KCNIP4: variants seen among roughly 807,000 people sequenced by gnomAD.
The protein encoded by KCNIP4 is potassium voltage-gated channel interacting protein 4.
KCNIP4 carries 12 observed loss-of-function variants against 34.0 expected under a neutral mutation model. The observed-to-expected ratio is 0.35, with a 90% CI of 0.23 to 0.57. The LOEUF is 0.57. Ranked by LOEUF, KCNIP4 falls within the 20% of genes least tolerant of loss-of-function variation. The probability of loss-of-function intolerance (pLI) is 0.83; values close to 1 mark genes in which losing one functional copy is unlikely to be tolerated. For synonymous variants in KCNIP4, 124 were observed against 102.2 expected, an observed-to-expected ratio of 1.21 and a Z score of -1.29; for missense variants, 238 against 311.7, an observed-to-expected ratio of 0.76 and a Z score of 1.78.
chr4:21,413,388 A>G (rs1055479382), intron 1 of KCNIP4, among the ~76,000 whole-genome samples: 4 of 152,170 alleles, frequency 2.6e-5, no homozygotes, highest in African/African-American at 9.6e-5. Context: ...GAACCAATAA[A>G]TGCTTTTAAT....
chr4:21,019,449 C>A lies in KCNIP4; in HGVS notation c.62-136740G>T, dbSNP rs532467472. Among the ~76,000 whole-genome samples the A allele has an allele frequency of 4.6e-5, 7 of 152,258 alleles. No homozygotes were observed. The South Asian group carries it at 1.5e-3, about 32-fold the overall frequency. ...CTGGGATTACAGGCGTGAGCCACCG[C>A]GCCCAGCCAATAACCTCATATTAAC... On this transcript the variant is annotated intron_variant, in intron 1 of 8. Coordinates refer to ENST00000382152, the MANE Select transcript of KCNIP4 (RefSeq NM_025221.6).
At position 21,498,013 on chromosome 4, in the gene KCNIP4, G is replaced by A. The variant is rs531429240; in HGVS notation, c.61+450558C>T. On this transcript the variant is annotated intron_variant, in intron 1 of 8. Coordinates refer to ENST00000382152, the MANE Select transcript of KCNIP4 (RefSeq NM_025221.6). ...GTACAGAGCAACATCTTGACAATTT[G>A]AATTGCCATACTCCTTCAGAAAGCC... Among the ~76,000 whole-genome samples the A allele has an allele frequency of 8.2e-4, 124 of 152,114 alleles. 2 individuals are homozygous for A. The highest frequency in any genetic ancestry group is 2.8e-3 in the African/African-American group (117 of 41,498).
rs73249541 is a variant in KCNIP4, at chr4:21,288,195, G to A, written c.62-405486C>T. On this transcript the variant is annotated intron_variant, in intron 1 of 8. Coordinates refer to ENST00000382152, the MANE Select transcript of KCNIP4 (RefSeq NM_025221.6). ...CACACACACATCTGTATGAGGATTA[G>A]CCAGGTGGGGCTGTTAACTCATCAC... 2.0e-5 allele frequency among the ~76,000 whole-genome samples: 3 copies of A among 152,072 alleles called. No individual in the cohort carries two copies. In the East Asian group the frequency reaches 5.8e-4, roughly 29 times the overall value.
At chr4:21,691,347 G>A (rs1711614301) in intron 1 of KCNIP4, among the ~76,000 whole-genome samples, 1 of 152,064 alleles carries the variant, frequency 6.6e-6, no homozygotes, top group African/African-American at 2.4e-5. Context: ...CACTCTGTCT[G>A]GAAGCTTTCT....
chr4:21,578,773 TA>T (rs1056997528), intron 1 of KCNIP4, among the ~76,000 whole-genome samples: 13 of 152,140 alleles, frequency 8.5e-5, no homozygotes, highest in African/African-American at 3.1e-4. Flanking sequence ...TGTACTCAGT[TA>T]AAGAAACAGT....
At chr4:21,103,987 T>A (rs1403973190) in intron 1 of KCNIP4, among the ~76,000 whole-genome samples, 1 of 152,086 alleles carries the variant, frequency 6.6e-6, no homozygotes, top group Non-Finnish European at 1.5e-5. Context: ...TCTATCATTG[T>A]TGGACATTTG....
chr4:21,615,418 C>T (rs1282538093), intron 1 of KCNIP4, among the ~76,000 whole-genome samples: 7 of 150,842 alleles, frequency 4.6e-5, no homozygotes, highest in Admixed American at 6.6e-5. Context: ...TGGTGGTGGG[C>T]GCCTGTAGGC....
intron 1 of KCNIP4, among the ~76,000 whole-genome samples, chr4:21,207,846 T>C (rs1756955075): frequency 6.7e-6 from 1 of 149,126 alleles, no homozygotes; most frequent in South Asian, 2.1e-4. Flanking sequence ...TCTTTTTCTT[T>C]TTTTTTTTTT....
chr4:20,751,626 T>C (rs1344669592), intron 4 of KCNIP4, among the ~76,000 whole-genome samples: 1 of 152,138 alleles, frequency 6.6e-6, no homozygotes, highest in Non-Finnish European at 1.5e-5. Flanking sequence ...AGTAAATGCC[T>C]TTACCTTAGC....
intron 1 of KCNIP4, among the ~76,000 whole-genome samples, chr4:21,797,693 T>C (rs1488281493): frequency 6.6e-6 from 1 of 152,194 alleles, no homozygotes; most frequent in African/African-American, 2.4e-5. Context: ...ACTGTGATTA[T>C]TTATCTCAGG....
intron 1 of KCNIP4, among the ~76,000 whole-genome samples, chr4:21,715,414 G>A (rs1481936145): frequency 1.3e-5 from 2 of 152,098 alleles, no homozygotes; most frequent in African/African-American, 4.8e-5. Flanking sequence ...ACAGGTGTGA[G>A]CCACCGCGCC....
At chr4:21,449,067 G>T (rs1297089567) in intron 1 of KCNIP4, among the ~76,000 whole-genome samples, 2 of 152,186 alleles carry the variant, frequency 1.3e-5, no homozygotes, top group Non-Finnish European at 2.9e-5. Flanking sequence ...TTTGTGGTGT[G>T]GCAGGCCTAG....
At chr4:21,911,868 T>C (rs1482799428) in intron 1 of KCNIP4, among the ~76,000 whole-genome samples, 1 of 152,116 alleles carries the variant, frequency 6.6e-6, no homozygotes, top group Non-Finnish European at 1.5e-5. Context: ...AATCTCTCTT[T>C]TTAGTTCTTG....
intron 1 of KCNIP4, among the ~76,000 whole-genome samples, chr4:20,900,488 G>A (rs954596510): frequency 2.0e-5 from 3 of 152,170 alleles, no homozygotes; most frequent in African/African-American, 7.2e-5. Context: ...ATCATTGTTG[G>A]TTGAATTTCA....
At chr4:20,912,149 A>C (rs968355182) in intron 1 of KCNIP4, among the ~76,000 whole-genome samples, 2 of 152,140 alleles carry the variant, frequency 1.3e-5, no homozygotes, top group African/African-American at 2.4e-5. Context: ...TGGGGCTCTG[A>C]CTAGAATTAC....
chr4:20,800,621 CAATAA>C lies in KCNIP4; in HGVS notation c.289-41736_289-41732del, dbSNP rs1333038831. Reference sequence around the variant, plus strand: ...AAATCTTATAGCTAGTGAATTTAATCAATAAAATAAAGTTTAAAAATACAATAGAA... The same window carrying C: ...AAATCTTATAGCTAGTGAATTTAATCAATAAAGTTTAAAAATACAATAGAA... On this transcript the variant is annotated intron_variant, in intron 3 of 8. Coordinates refer to ENST00000382152, the MANE Select transcript of KCNIP4 (RefSeq NM_025221.6). Among the ~76,000 whole-genome samples the C allele has an allele frequency of 1.9e-4, 29 of 151,882 alleles. 1 individual carries two copies. The highest frequency in any genetic ancestry group is 1.9e-3 in the Admixed American group (29 of 15,242).
intron 1 of KCNIP4, among the ~76,000 whole-genome samples, chr4:21,133,656 TC>T (rs199909119): frequency 9.1e-6 from 1 of 109,606 alleles, no homozygotes; most frequent in Non-Finnish European, 1.9e-5. Context: ...TAAATGCCAT[TC>T]CTATTTGCTA....
chr4:21,445,356 C>A (rs151213842), intron 1 of KCNIP4, among the ~76,000 whole-genome samples: 3,257 of 152,258 alleles, frequency 0.021, 122 homozygotes, highest in African/African-American at 0.074. Flanking sequence ...AGGCATCACG[C>A]TACCTGACTT....
At chr4:21,188,941 T>C (rs533616394) in intron 1 of KCNIP4, among the ~76,000 whole-genome samples, 1 of 152,300 alleles carries the variant, frequency 6.6e-6, no homozygotes, top group East Asian at 1.9e-4. Flanking sequence ...CAGGTTGTGG[T>C]GAGGAGACAG....
Sources: allele counts gnomAD v4.1 joint callset (sites outside exome capture counted in the v4.1 genomes callset), GRCh38; gene constraint gnomAD v4.1.1; transcripts MANE v1.5; gene names NCBI Gene and HGNC (gene_info 2026-07-23, HGNC 2026-07-21).